MZT2B: variants seen among roughly 807,000 people sequenced by gnomAD.
MZT2B encodes the protein mitotic-spindle organizing protein 2B.
MZT2B carries 11 observed loss-of-function variants against 12.1 expected under a neutral mutation model. That is an observed-to-expected ratio of 0.91 (90% CI 0.57 to 1.50). MZT2B has a LOEUF of 1.50. MZT2B is among the 40% of genes most tolerant of loss of function. MZT2B has a pLI of 0.00. For missense variants in MZT2B, 209 were observed against 227.7 expected (o/e 0.92, Z 0.53); for synonymous variants, 85 against 109.5 (o/e 0.78, Z 1.40).
chr2:130,184,158 A>G, intron 2 of MZT2B: 1 of 1,465,380 alleles, frequency 6.8e-7, no homozygotes, highest in Non-Finnish European at 9.0e-7. Flanking sequence ...CAGTCTCTAG[A>G]CCCCACAGTC....
upstream of MZT2B, chr2:130,181,790 G>A (rs1196671423): frequency 1.1e-5 from 17 of 1,546,736 alleles, no homozygotes; most frequent in African/African-American, 2.7e-5. Context: ...GGCCTCCGGC[G>A]CCCCAAGGTA....
At chr2:130,197,291 A>C in the MZT2B span, among the ~76,000 whole-genome samples, 1 of 151,424 alleles carries the variant, frequency 6.6e-6, no homozygotes, top group African/African-American at 2.4e-5. Flanking sequence ...GTTTGAGACC[A>C]GCCTGGGTAA....
At chr2:130,202,403 C>G in the MZT2B span, 5 of 1,290,842 alleles carry the variant, frequency 3.9e-6, no homozygotes, top group Admixed American at 1.1e-4. Context: ...AGAAGCAGCA[C>G]CGCATGGTGT....
the MZT2B span, among the ~76,000 whole-genome samples, chr2:130,204,691 CAAAA>C: frequency 1.0e-5 from 1 of 96,504 alleles, no homozygotes; most frequent in Non-Finnish European, 2.1e-5. Flanking sequence ...AACTCTGTCT[CAAAA>C]AAAAAAAAAG....
At chr2:130,190,371 T>C in intron 2 of MZT2B, 98 bp from the exon 3 acceptor site, 1 of 1,543,536 alleles carries the variant, frequency 6.5e-7, no homozygotes, top group Non-Finnish European at 8.8e-7. Flanking sequence ...TTGATGGAAA[T>C]GTGCAGACAC....
chr2:130,183,274 A>G, intron 2 of MZT2B: 1 of 272,418 alleles, frequency 3.7e-6, no homozygotes, highest in Admixed American at 5.0e-5. Context: ...GGACCAGGGC[A>G]GGCAGAGGTC....
At chr2:130,198,196 C>CAA in the MZT2B span, among the ~76,000 whole-genome samples, 10 of 123,834 alleles carry the variant, frequency 8.1e-5, 2 homozygotes, top group East Asian at 2.6e-4. Context: ...CTGGGACCTG[C>CAA]AGATCCAGGA....
intron 2 of MZT2B, among the ~76,000 whole-genome samples, chr2:130,189,050 T>C (rs1162602362): frequency 3.3e-5 from 5 of 152,210 alleles, no homozygotes; most frequent in South Asian, 2.1e-4. Context: ...GGGGAGTTCC[T>C]GCAAGGGACT....
chr2:130,203,521 A>T, the MZT2B span, among the ~76,000 whole-genome samples: 2 of 151,992 alleles, frequency 1.3e-5, no homozygotes, highest in Non-Finnish European at 2.9e-5. Flanking sequence ...TTGGGTTGTC[A>T]GTGCAGCTGA....
chr2:130,201,681 T>C, the MZT2B span, among the ~76,000 whole-genome samples: 1 of 152,144 alleles, frequency 6.6e-6, no homozygotes, highest in South Asian at 2.1e-4. Flanking sequence ...CACACGGTGC[T>C]CTTCAGTCCA....
At chr2:130,191,731 G>A (rs1294233487), downstream of MZT2B, 3 of 1,531,656 alleles carry the variant, frequency 2.0e-6, no homozygotes, top group Non-Finnish European at 1.8e-6. Flanking sequence ...TAAGCTGCAT[G>A]ACACTCAGAG....
At chr2:130,181,885 C>T (rs1689686935), upstream of MZT2B, 1 of 1,513,532 alleles carries the variant, frequency 6.6e-7, no homozygotes. Flanking sequence ...CCCCGAAAAG[C>T]GACCCCTAGT....
chr2:130,191,624 A>G, downstream of MZT2B: 8 of 746,518 alleles, frequency 1.1e-5, no homozygotes, highest in South Asian at 1.6e-4. Context: ...GCTTATGTAC[A>G]GTCCTGCTGC....
chr2:130,194,770 C>T (rs577982230), downstream of MZT2B, among the ~76,000 whole-genome samples: 9 of 152,232 alleles, frequency 5.9e-5, no homozygotes, highest in Admixed American at 2.0e-4. Context: ...CTCCACCTTC[C>T]GAGTTCAAGC....
the MZT2B span, chr2:130,202,419 GAGA>G: frequency 7.7e-7 from 1 of 1,290,586 alleles, no homozygotes; most frequent in African/African-American, 1.5e-5. Flanking sequence ...GGTGTGGCAG[GAGA>G]AGGAGGACAT....
downstream of MZT2B, chr2:130,195,171 C>T (rs1193502371): frequency 3.7e-6 from 6 of 1,613,940 alleles, no homozygotes; most frequent in African/African-American, 4.0e-5. Flanking sequence ...TCTTCCTTCC[C>T]GGTGATCAGC....
chr2:130,186,726 A>G (rs1466429154), intron 2 of MZT2B, among the ~76,000 whole-genome samples: 3 of 152,186 alleles, frequency 2.0e-5, no homozygotes, highest in Non-Finnish European at 4.4e-5. Flanking sequence ...AGGGCAACAC[A>G]GGGAGACCCA....
chr2:130,198,768 G>A, the MZT2B span, among the ~76,000 whole-genome samples: 2 of 123,230 alleles, frequency 1.6e-5, 1 homozygote, highest in Non-Finnish European at 3.6e-5. Context: ...TCCTCTCCCT[G>A]CCTAATTCAG....
chr2:130,184,576 C>T, intron 2 of MZT2B: 1 of 985,332 alleles, frequency 1.0e-6, no homozygotes, highest in East Asian at 1.1e-4. Flanking sequence ...GCGTGCACTT[C>T]CTGACAGCGC....
Sources: allele counts gnomAD v4.1 joint callset (sites outside exome capture counted in the v4.1 genomes callset), GRCh38; gene constraint gnomAD v4.1.1; transcripts MANE v1.5; gene names NCBI Gene and HGNC (gene_info 2026-07-23, HGNC 2026-07-21).